The following DNAH3 variants were observed in gnomAD, a reference collection of about 807,000 sequenced individuals.
DNAH3 encodes the protein dynein axonemal heavy chain 3.
Under a neutral mutation model 432.5 loss-of-function variants are expected in DNAH3, and 332 were observed. That is an observed-to-expected ratio of 0.77 (90% CI 0.70 to 0.84). The LOEUF is 0.84. DNAH3 is among the 40% of genes least tolerant of loss of function. The pLI is 0.00. For missense variants in DNAH3, 4,861 were observed against 5,114.0 expected (o/e 0.95, Z 1.51); for synonymous variants, 1,956 against 1,900.2 (o/e 1.03, Z -0.76).
At chr16:21,135,040 G>A (rs577247707) in intron 6 of DNAH3, among the ~76,000 whole-genome samples, 2 of 152,238 alleles carry the variant, frequency 1.3e-5, no homozygotes, top group African/African-American at 4.8e-5. Context: ...GCAAGGTCAT[G>A]GGTAATCCCC....
At chr16:21,017,933 G>A (rs72780829) in intron 41 of DNAH3, among the ~76,000 whole-genome samples, 30,495 of 151,820 alleles carry the variant, frequency 0.2, 3,364 homozygotes, top group Admixed American at 0.27. Flanking sequence ...AGATTTTACC[G>A]TTAGCTCTTT....
At chr16:21,007,161 G>A (rs2087346442) in intron 41 of DNAH3, among the ~76,000 whole-genome samples, 1 of 151,172 alleles carries the variant, frequency 6.6e-6, no homozygotes, top group African/African-American at 2.4e-5. Context: ...TTTCCCTGAT[G>A]GCTAATAACA....
At chr16:21,127,296 T>C (rs1235544187) in intron 8 of DNAH3, among the ~76,000 whole-genome samples, 1 of 151,142 alleles carries the variant, frequency 6.6e-6, no homozygotes, top group African/African-American at 2.4e-5. Context: ...CTCATGCCTG[T>C]AATCCCAGCA....
intron 9 of DNAH3, among the ~76,000 whole-genome samples, chr16:21,123,492 T>C (rs886483425): frequency 1.3e-5 from 2 of 152,222 alleles, no homozygotes; most frequent in African/African-American, 4.8e-5. Context: ...GGGTTTCTTA[T>C]GCTTAGCAAA....
intron 60 of DNAH3, among the ~76,000 whole-genome samples, 190 bp from the exon 61 acceptor site, chr16:20,935,675 C>T (rs912691949): frequency 5.3e-5 from 8 of 151,922 alleles, no homozygotes; most frequent in South Asian, 2.1e-4. Context: ...CTTTAAGAAA[C>T]GCCTAGGTAC....
At position 21,117,139 on chromosome 16, in the gene DNAH3, G is replaced by C. The variant is rs1477716496; in HGVS notation, c.1814+64C>G. 4 of 1,092,270 alleles carry C rather than the reference G, an allele frequency of 3.7e-6. No homozygotes were observed. The South Asian group carries it at 4.3e-5, about 12-fold the overall frequency. 67.7% of individuals were successfully genotyped at this position (1,092,270 alleles called of 1,614,324 possible). On this transcript the variant is annotated intron_variant, in intron 12 of 61. Coordinates refer to ENST00000261383, the Ensembl canonical transcript of DNAH3. ...GGAACAGGAATACCTTATTGGATGAGAGTTAAGAACACCAAATCAATCCCA... is the reference window on the plus strand; with the variant it reads ...GGAACAGGAATACCTTATTGGATGACAGTTAAGAACACCAAATCAATCCCA...
intron 34 of DNAH3, 57 bp from the exon 35 acceptor site, chr16:21,036,905 C>T: frequency 7.2e-7 from 1 of 1,397,548 alleles, no homozygotes; most frequent in Non-Finnish European, 9.9e-7. Context: ...TATATGACCT[C>T]AACATTTTCC....
At position 21,051,884 on chromosome 16, in the gene DNAH3, T is replaced by G. The variant is rs1220196857; in HGVS notation, c.4040-16A>C. ...ACGTCGCGGGCTGTTGGGACACAGATGCAGAAACACGCACACAGAGCCATC... is the reference window on the plus strand; with the variant it reads ...ACGTCGCGGGCTGTTGGGACACAGAGGCAGAAACACGCACACAGAGCCATC... On this transcript the variant is annotated splice_polypyrimidine_tract_variant and intron_variant, in intron 28 of 61. Transcript: ENST00000261383. The G allele has an allele frequency of 3.1e-6, 5 of 1,612,514 alleles. No individual in the cohort carries two copies. Among genetic ancestry groups the G allele is most frequent in the African/African-American group, 1.3e-5 (1 of 75,022 alleles).
chr16:20,981,009 A>G (rs1015611844), intron 49 of DNAH3, among the ~76,000 whole-genome samples: 1 of 152,236 alleles, frequency 6.6e-6, no homozygotes, highest in Non-Finnish European at 1.5e-5. Flanking sequence ...AAGCAGGGTG[A>G]ATTCAACTAG....
intron 14 of DNAH3, among the ~76,000 whole-genome samples, chr16:21,110,445 C>T (rs567241729): frequency 6.6e-6 from 1 of 152,234 alleles, no homozygotes; most frequent in East Asian, 1.9e-4. Context: ...AGGATGTAAG[C>T]CTGGAGCTGC....
At chr16:21,118,827 G>C (rs894320499) in intron 11 of DNAH3, among the ~76,000 whole-genome samples, 13 of 152,164 alleles carry the variant, frequency 8.5e-5, no homozygotes, top group Non-Finnish European at 1.8e-4. Flanking sequence ...CTCTGAGAAT[G>C]TTCTCACTTG....
At chr16:20,944,616 T>C (rs752933526) in exon 58 of DNAH3, 4 of 1,613,998 alleles carry the variant, frequency 2.5e-6, no homozygotes, top group Non-Finnish European at 3.4e-6. Context: ...GGCCGAACAC[T>C]TCTGGGTGGG....
chr16:21,115,574 G>T (rs1183170154), intron 12 of DNAH3, among the ~76,000 whole-genome samples: 4 of 151,804 alleles, frequency 2.6e-5, no homozygotes, highest in African/African-American at 9.7e-5. Context: ...GGGCGTGGTG[G>T]CACATGCCTG....
At chr16:21,044,104 G>C (rs1475829277) in intron 31 of DNAH3, among the ~76,000 whole-genome samples, 23 of 140,858 alleles carry the variant, frequency 1.6e-4, no homozygotes, top group African/African-American at 5.3e-4. Context: ...AGTCAGGTAG[G>C]GTGATGCCTC....
At chr16:20,997,427 C>T (rs1291443738) in exon 44 of DNAH3, 2 of 1,614,144 alleles carry the variant, frequency 1.2e-6, no homozygotes, top group Non-Finnish European at 8.5e-7. Flanking sequence ...GGTGGCTGGG[C>T]CCCATACACC....
intron 21 of DNAH3, among the ~76,000 whole-genome samples, chr16:21,071,035 C>A (rs914484151): frequency 2.0e-5 from 3 of 151,782 alleles, no homozygotes; most frequent in Admixed American, 6.6e-5. Context: ...CAGGCATATG[C>A]CACCATGCCT....
chr16:20,966,350 A>G (rs1325290618), intron 52 of DNAH3, among the ~76,000 whole-genome samples: 1 of 151,476 alleles, frequency 6.6e-6, no homozygotes, highest in Admixed American at 6.6e-5. Flanking sequence ...TGCCCAGCCA[A>G]TCTTTGTATT....
chr16:21,037,875 G>A lies in DNAH3; in HGVS notation c.4836C>T (p.Ala1612=), dbSNP rs147624987. The A allele has an allele frequency of 3.3e-4, 534 of 1,614,014 alleles. 2 individuals are homozygous for A. The highest frequency in any genetic ancestry group is 5.4e-4 in the South Asian group (49 of 91,092). ...GATACTTGAGCTTCAGGTTTCCTGCGGCAGTAAGCACAGACTTGACAGCGC... is the reference window on the plus strand; with the variant it reads ...GATACTTGAGCTTCAGGTTTCCTGCAGCAGTAAGCACAGACTTGACAGCGC... Residue 1612 remains alanine (A), a synonymous_variant, in exon 34 of 62, where the codon GCC becomes GCT. Coordinates refer to ENST00000261383, the Ensembl canonical transcript of DNAH3.
At chr16:21,150,557 G>C (rs947960156) in intron 1 of DNAH3, 23 bp from the exon 2 acceptor site, 1 of 238,894 alleles carries the variant, frequency 4.2e-6, no homozygotes, top group African/African-American at 2.3e-5. Flanking sequence ...GAGAGAAAGG[G>C]AAGCTAGAGA....
Sources: allele counts gnomAD v4.1 joint callset (sites outside exome capture counted in the v4.1 genomes callset), GRCh38; gene constraint gnomAD v4.1.1; transcripts MANE v1.5; gene names NCBI Gene and HGNC (gene_info 2026-07-23, HGNC 2026-07-21).